The following PRR16 variants were observed in gnomAD, a reference collection of about 807,000 sequenced individuals.
PRR16 encodes proline rich 16.
A neutral mutation model predicts 18.2 loss-of-function variants in PRR16; 6 were observed. The observed-to-expected ratio is 0.33, with a 90% confidence interval of 0.18 to 0.65. The LOEUF (loss-of-function observed/expected upper bound fraction) is 0.65. Among genes scored for constraint, PRR16 ranks in the 30% least tolerant of loss-of-function variants. The pLI, the probability that PRR16 is intolerant of heterozygous loss-of-function variation, is 0.74. For missense variants in PRR16, 412 were observed against 376.6 expected (o/e 1.09, Z -0.78); for synonymous variants, 151 against 147.8 (o/e 1.02, Z -0.16).
intron 1 of PRR16, among the ~76,000 whole-genome samples, chr5:120,508,636 G>C (rs1332284409): frequency 6.6e-6 from 1 of 152,082 alleles, no homozygotes; most frequent in Non-Finnish European, 1.5e-5. Flanking sequence ...ATCTTCTCCA[G>C]TATATCCAGA....
intron 1 of PRR16, among the ~76,000 whole-genome samples, chr5:120,573,638 A>G (rs1752975144): frequency 6.6e-6 from 1 of 152,174 alleles, no homozygotes; most frequent in South Asian, 2.1e-4. Flanking sequence ...TGGAAGATAA[A>G]TGACAACAAT....
the PRR16 span, among the ~76,000 whole-genome samples, chr5:120,791,584 C>CTATCTATCT: frequency 2.4e-5 from 3 of 127,392 alleles, no homozygotes; most frequent in Admixed American, 1.5e-4. Context: ...GAACTTCTAT[C>CTATCTATCT]ATCTATCTAT....
chr5:120,712,444 A>G, the PRR16 span, among the ~76,000 whole-genome samples: 3 of 151,696 alleles, frequency 2.0e-5, no homozygotes, highest in Non-Finnish European at 4.4e-5. Context: ...TCTTTCTTTC[A>G]TTTTATTTTT....
chr5:120,552,467 T>C (rs1164159472), intron 1 of PRR16, among the ~76,000 whole-genome samples: 2 of 151,922 alleles, frequency 1.3e-5, no homozygotes, highest in African/African-American at 4.8e-5. Context: ...TTATCATTTT[T>C]ACTATTTAGA....
chr5:120,500,475 G>A (rs1202878522), intron 1 of PRR16, among the ~76,000 whole-genome samples: 1 of 152,196 alleles, frequency 6.6e-6, no homozygotes, highest in African/African-American at 2.4e-5. Flanking sequence ...CTGTCTGGAA[G>A]CAGAATCGTT....
chr5:120,641,182 G>C (rs1194615130), intron 1 of PRR16, among the ~76,000 whole-genome samples: 1 of 152,092 alleles, frequency 6.6e-6, no homozygotes, highest in Non-Finnish European at 1.5e-5. Flanking sequence ...TTCTTTGTAT[G>C]CAAGAAAAAT....
At chr5:120,513,360 T>G (rs938630423) in intron 1 of PRR16, among the ~76,000 whole-genome samples, 3 of 152,200 alleles carry the variant, frequency 2.0e-5, no homozygotes, top group African/African-American at 7.2e-5. Context: ...ATCCTTTCAC[T>G]GAATTCCTGA....
downstream of PRR16, among the ~76,000 whole-genome samples, chr5:120,687,840 C>T (rs750140960): frequency 2.0e-5 from 3 of 152,164 alleles, no homozygotes; most frequent in Non-Finnish European, 4.4e-5. Flanking sequence ...GTCTTATCTA[C>T]CAACTTAACA....
intron 1 of PRR16, among the ~76,000 whole-genome samples, chr5:120,553,257 G>A (rs1428747934): frequency 2.0e-5 from 3 of 151,772 alleles, no homozygotes; most frequent in South Asian, 2.1e-4. Flanking sequence ...ACTAGTCTGC[G>A]CCATAACTTG....
chr5:120,638,715 A>G (rs966776077), intron 1 of PRR16, among the ~76,000 whole-genome samples: 2 of 152,054 alleles, frequency 1.3e-5, no homozygotes, highest in South Asian at 2.1e-4. Flanking sequence ...CACAATACAC[A>G]TGCGTAGCAA....
intron 1 of PRR16, chr5:120,465,652 G>T: frequency 6.6e-6 from 1 of 152,506 alleles, no homozygotes; most frequent in Non-Finnish European, 1.5e-5. Flanking sequence ...GCGTCGCGGA[G>T]CTGGTAGCAG....
At chr5:120,629,092 A>C (rs1409105449) in intron 1 of PRR16, among the ~76,000 whole-genome samples, 4 of 151,860 alleles carry the variant, frequency 2.6e-5, no homozygotes, top group African/African-American at 9.7e-5. Context: ...GTCCATATGT[A>C]CTCAATGTTT....
At chr5:120,700,020 C>T in the PRR16 span, among the ~76,000 whole-genome samples, 1,453 of 152,000 alleles carry the variant, frequency 9.6e-3, 19 homozygotes, top group African/African-American at 0.034. Context: ...CTAGTGAAAG[C>T]GAAGAGAGGC....
the PRR16 span, among the ~76,000 whole-genome samples, chr5:120,734,165 C>T: frequency 1.3e-5 from 2 of 152,260 alleles, no homozygotes; most frequent in Non-Finnish European, 2.9e-5. Flanking sequence ...GAGCCTGAAG[C>T]GGGAGGGCTC....
chr5:120,555,229 C>G (rs952369460), intron 1 of PRR16, among the ~76,000 whole-genome samples: 4 of 151,876 alleles, frequency 2.6e-5, no homozygotes, highest in Non-Finnish European at 5.9e-5. Context: ...CATATTCTAA[C>G]AAGCTCTTTC....
chr5:120,619,953 AG>A (rs980617396), intron 1 of PRR16, among the ~76,000 whole-genome samples: 8 of 152,088 alleles, frequency 5.3e-5, no homozygotes, highest in Non-Finnish European at 2.9e-5. Flanking sequence ...CCTGAGTTGG[AG>A]GTAGGTCAGA....
At chr5:120,579,591 G>A (rs924483739) in intron 1 of PRR16, among the ~76,000 whole-genome samples, 1 of 152,084 alleles carries the variant, frequency 6.6e-6, no homozygotes, top group Non-Finnish European at 1.5e-5. Flanking sequence ...TGAGTTCTCT[G>A]TTCTGCTCTA....
rs1331294569 is a variant in PRR16 at position 120,530,270 on chromosome 5, TA to T, written c.159+65626del. Among the ~76,000 whole-genome samples, 933 of 124,314 alleles carry T rather than the reference TA, an allele frequency of 7.5e-3. 24 individuals are homozygous for T. Among genetic ancestry groups the T allele is most frequent in the African/African-American group, 0.031 (894 of 29,052 alleles). The allele number at this position is 124,314 out of a possible 152,430, so 81.6% of individuals were successfully genotyped here. ...GTGTGTGTAAATATATATATATATA[TA>T]TATATATATATATTTATTTATTTAT... On this transcript the variant is annotated intron_variant, in intron 1 of 1. Coordinates refer to ENST00000407149, the MANE Select transcript of PRR16 (RefSeq NM_001300783.2).
At chr5:120,710,234 G>A in the PRR16 span, among the ~76,000 whole-genome samples, 1 of 152,136 alleles carries the variant, frequency 6.6e-6, no homozygotes, top group Non-Finnish European at 1.5e-5. Flanking sequence ...TTTCTCTGAT[G>A]ATTAGTGATG....
Sources: gnomAD v4.1 joint callset for allele counts (sites outside exome capture counted in the v4.1 genomes callset) on GRCh38, gnomAD v4.1.1 for gene constraint, MANE v1.5 for transcripts, NCBI Gene and HGNC (gene_info 2026-07-23, HGNC 2026-07-21) for gene names.